Variants in UBE2D3 observed in about 807,000 individuals in gnomAD.
UBE2D3 encodes the protein ubiquitin-conjugating enzyme E2 D3.
Under a neutral mutation model 22.8 loss-of-function variants are expected in UBE2D3, and 2 were observed. The ratio of observed to expected loss-of-function variants is 0.09; its 90% confidence interval spans 0.04 to 0.28. The LOEUF is 0.28. Among genes scored for constraint, UBE2D3 ranks in the 10% least tolerant of loss-of-function variants. The pLI, the probability that UBE2D3 is intolerant of heterozygous loss-of-function variation, is 1.00. For missense variants in UBE2D3, 27 were observed against 182.5 expected, an observed-to-expected ratio of 0.15 and a Z score of 4.91; for synonymous variants, 56 against 60.4, an observed-to-expected ratio of 0.93 and a Z score of 0.34.
At chr4:102,831,685 T>C (rs1731126609), upstream of UBE2D3, among the ~76,000 whole-genome samples, 1 of 152,220 alleles carries the variant, frequency 6.6e-6, no homozygotes, top group Non-Finnish European at 1.5e-5. Flanking sequence ...ATTCTGTTTA[T>C]GTGAAATGAC....
chr4:102,843,815 T>C (rs959762312), intron 1 of UBE2D3: 7 of 152,156 alleles, frequency 4.6e-5, no homozygotes, highest in Admixed American at 3.9e-4. Flanking sequence ...AGTGTGATGT[T>C]CTATGGAATA....
intron 1 of UBE2D3, among the ~76,000 whole-genome samples, chr4:102,853,316 T>C (rs866721884): frequency 1.3e-5 from 2 of 151,102 alleles, no homozygotes; most frequent in South Asian, 4.2e-4. Flanking sequence ...ATCTTTAACT[T>C]AGCAATCTCT....
intron 4 of UBE2D3, among the ~76,000 whole-genome samples, chr4:102,804,376 C>T (rs1057170148): frequency 4.6e-5 from 7 of 151,682 alleles, no homozygotes; most frequent in Non-Finnish European, 1.0e-4. Context: ...TGGCTGAACT[C>T]TTAACTCCTG....
At chr4:102,824,449 C>T (rs1013248391) in intron 2 of UBE2D3, among the ~76,000 whole-genome samples, 1 of 152,186 alleles carries the variant, frequency 6.6e-6, no homozygotes, top group African/African-American at 2.4e-5. Flanking sequence ...CTGCTGCCAC[C>T]CCAATGTCTA....
intron 2 of UBE2D3, chr4:102,810,996 T>A (rs190588954): frequency 2.0e-5 from 3 of 152,328 alleles, no homozygotes; most frequent in Admixed American, 1.3e-4. Flanking sequence ...ATCTTCTATA[T>A]CCCCTTTCTC....
intron 1 of UBE2D3, among the ~76,000 whole-genome samples, chr4:102,841,191 A>G (rs1731738110): frequency 6.6e-6 from 1 of 152,132 alleles, no homozygotes; most frequent in South Asian, 2.1e-4. Context: ...AGGGAATACA[A>G]ATTCCCCAGG....
At chr4:102,842,576 A>C (rs1731816224) in intron 1 of UBE2D3, among the ~76,000 whole-genome samples, 1 of 151,890 alleles carries the variant, frequency 6.6e-6, no homozygotes, top group Non-Finnish European at 1.5e-5. Context: ...CTCGAGTTTC[A>C]CTTCTGATAA....
At chr4:102,823,403 T>C (rs988029752) in intron 2 of UBE2D3, among the ~76,000 whole-genome samples, 1 of 152,172 alleles carries the variant, frequency 6.6e-6, no homozygotes, top group Non-Finnish European at 1.5e-5. Context: ...GAAGATCAAA[T>C]GAGAGTTTTT....
At chr4:102,801,386 G>C (rs1726133948) in intron 6 of UBE2D3, 68 bp downstream of exon 6, 4 of 1,343,342 alleles carry the variant, frequency 3.0e-6, no homozygotes, top group East Asian at 2.4e-5. Flanking sequence ...AAAATACTCA[G>C]ATAAGTAGAT....
At chr4:102,821,219 T>C (rs1232237272) in intron 2 of UBE2D3, among the ~76,000 whole-genome samples, 3 of 152,126 alleles carry the variant, frequency 2.0e-5, no homozygotes, top group African/African-American at 7.2e-5. Context: ...ATACTGGTTT[T>C]GGCAAGGGGA....
chr4:102,818,297 CT>C (rs1490897232), intron 2 of UBE2D3, among the ~76,000 whole-genome samples: 1 of 152,200 alleles, frequency 6.6e-6, no homozygotes, highest in Non-Finnish European at 1.5e-5. Flanking sequence ...ACAGAGTGCT[CT>C]TTTAGGAAAC....
Position 102,799,419 on chromosome 4 carries a change from G to A in UBE2D3, c.386C>T (p.Thr129Ile). 1 of 1,611,764 alleles carries A rather than the reference G, an allele frequency of 6.2e-7. No homozygotes were observed. Among genetic ancestry groups the A allele is most frequent in the Non-Finnish European group, 8.5e-7 (1 of 1,178,478 alleles). The change falls in exon 7 of 8, where the codon ACA becomes ATA. Residue 129 changes from threonine to isoleucine, a missense_variant. By Grantham distance (89) the Thr-to-Ile change is moderately conservative. Transcript: ENST00000453744. ...TTAACATACTTACTTATCTCTGTCT[G>A]TTTTATAGATCCGTGCAATCTCTGG... ...LVPEIARIYK[T>I]DRDKYNRISR... is the part of the protein sequence containing the mutation.
intron 2 of UBE2D3, among the ~76,000 whole-genome samples, chr4:102,820,869 C>T (rs1216462426): frequency 6.6e-6 from 1 of 152,074 alleles, no homozygotes; most frequent in Non-Finnish European, 1.5e-5. Flanking sequence ...GAAAAAGGTA[C>T]AAGAAATCAT....
At chr4:102,815,932 ATT>A (rs1560861223) in intron 2 of UBE2D3, among the ~76,000 whole-genome samples, 1 of 152,206 alleles carries the variant, frequency 6.6e-6, no homozygotes, top group African/African-American at 2.4e-5. Context: ...TAATATTACT[ATT>A]TAAAGTACCA....
At chr4:102,844,898 T>A (rs1263117621) in intron 1 of UBE2D3, among the ~76,000 whole-genome samples, 1 of 151,784 alleles carries the variant, frequency 6.6e-6, no homozygotes, top group East Asian at 1.9e-4. Flanking sequence ...GGTGGGCGCC[T>A]GTAGTCCCAG....
chr4:102,842,767 A>G (rs1321804507), intron 1 of UBE2D3, among the ~76,000 whole-genome samples: 1 of 152,248 alleles, frequency 6.6e-6, no homozygotes, highest in African/African-American at 2.4e-5. Context: ...ACAACAAAAC[A>G]TAGTACAATT....
At chr4:102,810,580 T>C (rs223416) in intron 2 of UBE2D3, 82,575 of 151,738 alleles carry the variant, frequency 0.54, 23,056 homozygotes, top group African/African-American at 0.68. Flanking sequence ...GATTTCACTG[T>C]GTTAACCAGG....
intron 1 of UBE2D3, 136 bp from the exon 2 acceptor site, chr4:102,826,772 C>T: frequency 7.8e-7 from 1 of 1,289,036 alleles, no homozygotes; most frequent in Non-Finnish European, 9.8e-7. Context: ...CTGTACCGTG[C>T]TTTCGGCCCG....
chr4:102,861,137 C>T (rs150015748), intron 1 of UBE2D3, among the ~76,000 whole-genome samples: 36 of 152,108 alleles, frequency 2.4e-4, no homozygotes, highest in South Asian at 6.2e-4. Flanking sequence ...TCTTACTTTC[C>T]TTCCTGGGAG....
Sources: allele counts gnomAD v4.1 joint callset (sites outside exome capture counted in the v4.1 genomes callset), GRCh38; gene constraint gnomAD v4.1.1; transcripts MANE v1.5; gene names NCBI Gene and HGNC (gene_info 2026-07-23, HGNC 2026-07-21).